WBP1L: variants seen among roughly 807,000 people sequenced by gnomAD.
WBP1L encodes the protein WW domain binding protein 1 like.
In WBP1L, 17 loss-of-function variants were observed where a neutral mutation model predicts 33.7. The observed-to-expected ratio is 0.50, with a 90% CI of 0.34 to 0.76. The LOEUF (loss-of-function observed/expected upper bound fraction) is 0.76. Among genes scored for constraint, WBP1L ranks in the 30% least tolerant of loss-of-function variants. The pLI, the probability that WBP1L is intolerant of heterozygous loss-of-function variation, is 0.01. For synonymous variants in WBP1L, 173 were observed against 190.8 expected, an observed-to-expected ratio of 0.91 and a Z score of 0.77; for missense variants, 389 against 469.4, an observed-to-expected ratio of 0.83 and a Z score of 1.58.
intron 1 of WBP1L, among the ~76,000 whole-genome samples, chr10:102,782,807 G>C (rs985181202): frequency 6.6e-6 from 1 of 152,212 alleles, no homozygotes; most frequent in African/African-American, 2.4e-5. Context: ...AATGGCTGGA[G>C]TGTGACATAC....
intron 2 of WBP1L, among the ~76,000 whole-genome samples, chr10:102,809,381 C>CT (rs1026469800): frequency 5.5e-5 from 8 of 146,770 alleles, no homozygotes; most frequent in African/African-American, 1.0e-4. Flanking sequence ...CCCAGCCATT[C>CT]TTTTTTTTGA....
intron 1 of WBP1L, among the ~76,000 whole-genome samples, chr10:102,767,406 C>T (rs1843124341): frequency 6.6e-6 from 1 of 152,124 alleles, no homozygotes; most frequent in Non-Finnish European, 1.5e-5. Context: ...CCTGTAGTCC[C>T]AGTTACTCAG....
intron 1 of WBP1L, 100 bp downstream of exon 1, chr10:102,744,243 C>A: frequency 7.5e-7 from 1 of 1,324,930 alleles, no homozygotes; most frequent in South Asian, 1.6e-5. Context: ...GTTGAGGGGT[C>A]CCGAGAGGGG....
intron 1 of WBP1L, among the ~76,000 whole-genome samples, chr10:102,790,963 G>A (rs1286262240): frequency 6.6e-6 from 1 of 152,146 alleles, no homozygotes; most frequent in African/African-American, 2.4e-5. Flanking sequence ...CCATGTAGTA[G>A]TACAATTCAA....
At chr10:102,773,872 AAAAAG>A (rs1339336314) in intron 1 of WBP1L, among the ~76,000 whole-genome samples, 2 of 152,096 alleles carry the variant, frequency 1.3e-5, no homozygotes, top group Non-Finnish European at 1.5e-5. Context: ...AACAAAAAAA[AAAAAG>A]GAAGGAAGAA....
intron 1 of WBP1L, among the ~76,000 whole-genome samples, chr10:102,777,390 G>GTA (rs1446449282): frequency 6.6e-6 from 1 of 151,964 alleles, no homozygotes; most frequent in Non-Finnish European, 1.5e-5. Context: ...AGTGCTAGGT[G>GTA]GACAACTCTC....
intron 3 of WBP1L, 128 bp from the exon 4 acceptor site, chr10:102,812,467 G>T: frequency 8.8e-7 from 1 of 1,140,508 alleles, no homozygotes; most frequent in Non-Finnish European, 1.2e-6. Context: ...ACAACCAAGA[G>T]CTGTAGCCAT....
At chr10:102,748,737 A>G (rs891396425) in intron 1 of WBP1L, among the ~76,000 whole-genome samples, 2 of 152,374 alleles carry the variant, frequency 1.3e-5, no homozygotes, top group Admixed American at 1.3e-4. Context: ...GATAGCGCAC[A>G]CAGTGAATTG....
chr10:102,797,392 T>C (rs79579097), intron 1 of WBP1L, among the ~76,000 whole-genome samples: 2 of 152,336 alleles, frequency 1.3e-5, no homozygotes, highest in East Asian at 3.9e-4. Flanking sequence ...TACTTGGACC[T>C]AAAGTGAGGC....
At chr10:102,744,316 G>T (rs1842835322) in intron 1 of WBP1L, 173 bp downstream of exon 1, 4 of 945,924 alleles carry the variant, frequency 4.2e-6, no homozygotes, top group Non-Finnish European at 5.0e-6. Context: ...GGACACCTGT[G>T]ACAGTTTTGG....
At position 102,744,032 on chromosome 10, in the gene WBP1L, G is replaced by C; in HGVS notation, c.-22G>C. The C allele has an allele frequency of 6.5e-7, 1 of 1,531,848 alleles. No individual in the cohort carries two copies. The highest frequency in any genetic ancestry group is 8.8e-7 in the Non-Finnish European group (1 of 1,132,088). The allele number at this position is 1,531,848 out of a possible 1,614,324, so 94.9% of individuals were successfully genotyped here. ...GGAGGGAGGTGGCGGCGCCGTGGCG[G>C]AGGAGCAGGAGCAGGAGGGGGATGG... On this transcript the variant is annotated 5_prime_UTR_variant, in exon 1 of 4. Coordinates refer to ENST00000448841, the MANE Select transcript of WBP1L (RefSeq NM_001083913.2).
At chr10:102,812,116 C>A (rs1234410247) in intron 3 of WBP1L, among the ~76,000 whole-genome samples, 4 of 152,074 alleles carry the variant, frequency 2.6e-5, no homozygotes, top group Non-Finnish European at 4.4e-5. Context: ...TAGCAAAAGA[C>A]CCTACATAGT....
chr10:102,800,213 A>G (rs1011029807), intron 2 of WBP1L, among the ~76,000 whole-genome samples: 6 of 152,250 alleles, frequency 3.9e-5, no homozygotes, highest in African/African-American at 1.4e-4. Context: ...TGTTAAAACA[A>G]AAGTTGAAGC....
chr10:102,783,581 G>T (rs796345952), intron 1 of WBP1L, among the ~76,000 whole-genome samples: 1 of 152,218 alleles, frequency 6.6e-6, no homozygotes, highest in African/African-American at 2.4e-5. Context: ...ACAAAATATT[G>T]TGCTGCAGTT....
At chr10:102,807,129 A>G (rs1843748598) in intron 2 of WBP1L, among the ~76,000 whole-genome samples, 1 of 152,220 alleles carries the variant, frequency 6.6e-6, no homozygotes, top group Non-Finnish European at 1.5e-5. Flanking sequence ...AGCATTTGGA[A>G]TGGAAAACAA....
intron 2 of WBP1L, among the ~76,000 whole-genome samples, chr10:102,807,957 A>G (rs1322703454): frequency 1.3e-5 from 2 of 151,976 alleles, no homozygotes; most frequent in African/African-American, 4.8e-5. Context: ...CTGTAATCCT[A>G]GCACTTTGGG....
intron 1 of WBP1L, among the ~76,000 whole-genome samples, chr10:102,761,801 G>T (rs768475659): frequency 6.6e-6 from 1 of 151,920 alleles, no homozygotes; most frequent in Admixed American, 6.6e-5. Context: ...CACCCACCTC[G>T]GCCTCCGAAA....
chr10:102,796,600 G>A (rs2134057453), intron 1 of WBP1L, among the ~76,000 whole-genome samples: 1 of 152,342 alleles, frequency 6.6e-6, no homozygotes, highest in African/African-American at 2.4e-5. Flanking sequence ...GGCAGGGCCA[G>A]CCTGAGTTGC....
In WBP1L at chr10:102,797,976, C is replaced by CT. The variant is rs766109297; in HGVS notation, c.91-11dup. 31 of 1,609,598 alleles carry CT rather than the reference C, an allele frequency of 1.9e-5. No individual in the cohort carries two copies. In the Admixed American group the frequency reaches 2.8e-4, roughly 15 times the overall value. On this transcript the variant is annotated splice_polypyrimidine_tract_variant and intron_variant, in intron 1 of 3. Transcript: ENST00000448841. ...AGCTGTCATTTAATATGCTAACATG[C>CT]TTTTTTAATTTTTTAGGATAAGGAA...
Sources: gnomAD v4.1 joint callset for allele counts (sites outside exome capture counted in the v4.1 genomes callset) on GRCh38, gnomAD v4.1.1 for gene constraint, MANE v1.5 for transcripts, NCBI Gene and HGNC (gene_info 2026-07-23, HGNC 2026-07-21) for gene names.